The following WDR64 variants were observed in gnomAD, a reference collection of about 807,000 sequenced individuals.
WDR64 encodes WD repeat-containing protein 64.
WDR64 carries 112 observed loss-of-function variants against 139.3 expected under a neutral mutation model. That is an observed-to-expected ratio of 0.80 (90% CI 0.69 to 0.94). The LOEUF (loss-of-function observed/expected upper bound fraction) is 0.94, where lower values mean the gene tolerates loss of function less well. WDR64 is among the 40% of genes least tolerant of loss of function. The pLI is 0.00. For synonymous variants in WDR64, 444 were observed against 437.7 expected, an observed-to-expected ratio of 1.01 and a Z score of -0.18; for missense variants, 1,206 against 1,293.1, an observed-to-expected ratio of 0.93 and a Z score of 1.03.
In WDR64 at chr1:241,652,311, A is replaced by C; in HGVS notation, c.-174A>C. 1 of 602,822 alleles carries C rather than the reference A, an allele frequency of 1.7e-6. No individual in the cohort carries two copies. The highest frequency in any genetic ancestry group is 2.5e-5 in the South Asian group (1 of 40,472). The allele number at this position is 602,822 out of a possible 1,614,324, so 37.3% of individuals were successfully genotyped here. On this transcript the variant is annotated 5_prime_UTR_variant, in exon 1 of 28. Coordinates refer to ENST00000437684, the MANE Select transcript of WDR64 (RefSeq NM_001367482.1). ...TAAATCAGCTTTCCTCCCTGCTAACATCCTAGTGGCAACTCTTACTCCTAC... is the reference window on the plus strand; with the variant it reads ...TAAATCAGCTTTCCTCCCTGCTAACCTCCTAGTGGCAACTCTTACTCCTAC...
intron 9 of WDR64, among the ~76,000 whole-genome samples, chr1:241,712,745 G>A (rs866613296): frequency 5.3e-5 from 8 of 152,228 alleles, no homozygotes; most frequent in Admixed American, 3.9e-4. Context: ...TTGGGAGGCC[G>A]AGGCAGGAGG....
intron 10 of WDR64, among the ~76,000 whole-genome samples, chr1:241,730,680 C>T (rs1330789327): frequency 1.3e-5 from 2 of 152,204 alleles, no homozygotes; most frequent in Non-Finnish European, 2.9e-5. Flanking sequence ...CAACTTTCTA[C>T]TGCATTAATA....
At chr1:241,679,431 C>T in intron 5 of WDR64, 54 bp from the exon 6 acceptor site, 3 of 1,445,250 alleles carry the variant, frequency 2.1e-6, no homozygotes, top group East Asian at 2.5e-5. Context: ...GTGACCATCA[C>T]CAGGTCATTG....
At chr1:241,739,864 A>T (rs1346656231) in intron 11 of WDR64, among the ~76,000 whole-genome samples, 1 of 152,196 alleles carries the variant, frequency 6.6e-6, no homozygotes, top group Non-Finnish European at 1.5e-5. Context: ...TATGTCTAGG[A>T]TTTTAATTCA....
intron 13 of WDR64, among the ~76,000 whole-genome samples, chr1:241,748,127 A>G (rs1483583091): frequency 6.6e-6 from 1 of 152,154 alleles, no homozygotes; most frequent in East Asian, 1.9e-4. Context: ...GACAAAGCAA[A>G]AGCCTAAGCC....
chr1:241,738,754 A>G (rs141019198), intron 11 of WDR64, among the ~76,000 whole-genome samples: 5 of 152,306 alleles, frequency 3.3e-5, no homozygotes, highest in African/African-American at 1.2e-4. Flanking sequence ...AGAAAGTTCT[A>G]TTTGAGTAAT....
intron 23 of WDR64, among the ~76,000 whole-genome samples, chr1:241,784,111 C>T (rs1211135311): frequency 1.3e-5 from 2 of 152,170 alleles, no homozygotes; most frequent in African/African-American, 2.4e-5. Context: ...TTCAAGACAG[C>T]CTAGCTAACT....
At chr1:241,780,325 A>G (rs184058040) in intron 22 of WDR64, among the ~76,000 whole-genome samples, 1 of 152,314 alleles carries the variant, frequency 6.6e-6, no homozygotes, top group East Asian at 1.9e-4. Flanking sequence ...GTGAGAATTC[A>G]TATAGCAACC....
rs369922177 is a variant in WDR64, at chr1:241,796,209, G to C, written c.3079-48G>C. The C allele has an allele frequency of 2.1e-6, 3 of 1,397,248 alleles. No individual in the cohort carries two copies. In the African/African-American group the frequency reaches 4.3e-5, roughly 20 times the overall value. The allele number at this position is 1,397,248 out of a possible 1,614,324, so 86.6% of individuals were successfully genotyped here. A position where few individuals can be genotyped will look rare whatever the true frequency, so the allele number is the denominator to read the frequency against. On this transcript the variant is annotated intron_variant, in intron 26 of 27. Coordinates refer to ENST00000437684, the MANE Select transcript of WDR64 (RefSeq NM_001367482.1). ...TCCCAACTCCTGAATTCATATTACA[G>C]AAGTAATCACTTTGAGTGTGTCTCA...
intron 13 of WDR64, among the ~76,000 whole-genome samples, chr1:241,748,446 A>G (rs1389684690): frequency 6.6e-6 from 1 of 152,140 alleles, no homozygotes; most frequent in African/African-American, 2.4e-5. Context: ...CACATGACAA[A>G]GGGGCAAGGC....
At chr1:241,731,612 G>A (rs1304521687) in intron 10 of WDR64, among the ~76,000 whole-genome samples, 1 of 152,174 alleles carries the variant, frequency 6.6e-6, no homozygotes, top group Non-Finnish European at 1.5e-5. Context: ...ATTACCTAAG[G>A]AGTGGGACTG....
rs765105783 is a variant in WDR64 at position 241,775,199 on chromosome 1, C to A, written c.2525C>A (p.Ala842Asp). 11 of 1,549,616 alleles carry A rather than the reference C, an allele frequency of 7.1e-6. No homozygotes were observed. The South Asian group carries it at 1.3e-4, about 18-fold the overall frequency. The change falls in exon 21 of 28, where the codon GCT becomes GAT. Residue 842 changes from alanine to aspartate, a missense_variant. Physicochemically the swap from Ala to Asp is moderately radical, Grantham distance 126. Coordinates refer to ENST00000437684, the MANE Select transcript of WDR64 (RefSeq NM_001367482.1). ...GATTCATGTACGAGGATACTACTGG[C>A]TGGAAATGTGGGTGAGTCATTACTC... ...YTDSCTRILL[A>D]GNVEGHVILC...
At position 241,660,676 on chromosome 1, in the gene WDR64, G is replaced by C; in HGVS notation, c.276+16G>C. ...CTGGTGTGAGGTAGACTCATTTCATGTTCATAATATGAAATCCAGGTATTA... is the reference window on the plus strand; with the variant it reads ...CTGGTGTGAGGTAGACTCATTTCATCTTCATAATATGAAATCCAGGTATTA... On this transcript the variant is annotated intron_variant, in intron 2 of 27. Transcript: ENST00000437684. 1.9e-6 allele frequency: 3 copies of C among 1,543,458 alleles called. No individual in the cohort carries two copies. Among genetic ancestry groups the C allele is most frequent in the Non-Finnish European group, 2.6e-6 (3 of 1,143,418 alleles).
intron 16 of WDR64, among the ~76,000 whole-genome samples, chr1:241,768,560 A>T (rs549310962): frequency 9.8e-5 from 15 of 152,336 alleles, no homozygotes; most frequent in Admixed American, 4.6e-4. Flanking sequence ...GAAATCTCTT[A>T]AAAAATTTGA....
intron 4 of WDR64, among the ~76,000 whole-genome samples, chr1:241,675,044 TTCCTTCCTTTTCTCCCTTCCTCCTTCCTG>T (rs1666445335): frequency 2.5e-5 from 1 of 39,626 alleles, no homozygotes; most frequent in African/African-American, 9.5e-5. Flanking sequence ...TCCTTCTTCT[TTCCTTCCTTTTCTCCCTTCCTCCTTCCTG>T]CCTCCCTCCC....
At position 241,652,493 on chromosome 1, in the gene WDR64, C is replaced by G. The variant is rs1376190746; in HGVS notation, c.9C>G (p.Ile3Met). 1 of 1,552,074 alleles carries G rather than the reference C, an allele frequency of 6.4e-7. No homozygotes were observed. Among genetic ancestry groups the G allele is most frequent in the Non-Finnish European group, 8.7e-7 (1 of 1,147,070 alleles). The part of the protein sequence containing the change: MD[I>M]RKEKRLNMAL... ...AGATCCCCTATGTCCCTATGGATAT[C>G]AGGAAGGAAAAGCGTCTCAACATGG... is the stretch of plus-strand genomic sequence containing the variant. The change falls in exon 1 of 28, where the codon ATC (isoleucine) becomes ATG (methionine). Residue 3 changes from isoleucine to methionine, a missense_variant. Transcript: ENST00000437684.
intron 1 of WDR64, among the ~76,000 whole-genome samples, chr1:241,659,301 G>A (rs1473824022): frequency 2.6e-5 from 4 of 152,110 alleles, no homozygotes; most frequent in African/African-American, 9.7e-5. Flanking sequence ...TCTTTATCCA[G>A]TCTATCATTG....
rs1659519456 is a variant in WDR64, at chr1:241,801,292, G to C, written c.*77G>C. The stretch of plus-strand genomic sequence containing the variant: ...ATACCTGCTCTTTATTTCAGGATGA[G>C]AGGGAGAAACCACCAGACACTATCA... On this transcript the variant is annotated 3_prime_UTR_variant, in exon 28 of 28. Coordinates refer to ENST00000437684, the MANE Select transcript of WDR64 (RefSeq NM_001367482.1). 2 of 1,295,232 alleles carry C rather than the reference G, an allele frequency of 1.5e-6. No individual in the cohort carries two copies. The highest frequency in any genetic ancestry group is 3.5e-5 in the Admixed American group (2 of 57,440). 80.2% of individuals were successfully genotyped at this position (1,295,232 alleles called of 1,614,324 possible).
In WDR64 at chr1:241,783,395, G is replaced by T; in HGVS notation, c.2705+14G>T. The T allele has an allele frequency of 6.3e-7, 1 of 1,586,574 alleles. No homozygotes were observed. The highest frequency in any genetic ancestry group is 1.7e-5 in the Admixed American group (1 of 59,034). Reference sequence around the variant, plus strand: ...TGGCTCAGTAAGGTAGGCCAAGATGGCATCATACTGTGAATTCAGTACTGT... The same window carrying T: ...TGGCTCAGTAAGGTAGGCCAAGATGTCATCATACTGTGAATTCAGTACTGT... On this transcript the variant is annotated intron_variant, in intron 23 of 27. Coordinates refer to ENST00000437684, the MANE Select transcript of WDR64 (RefSeq NM_001367482.1).
Sources: allele counts gnomAD v4.1 joint callset (sites outside exome capture counted in the v4.1 genomes callset), GRCh38; gene constraint gnomAD v4.1.1; transcripts MANE v1.5; gene names NCBI Gene and HGNC (gene_info 2026-07-23, HGNC 2026-07-21).